RGPD8: variants seen among roughly 807,000 people sequenced by gnomAD.
RGPD8 encodes RANBP2-like and GRIP domain-containing protein 8.
A neutral mutation model predicts 89.1 loss-of-function variants in RGPD8; 15 were observed. The ratio of observed to expected loss-of-function variants is 0.17; its 90% CI spans 0.11 to 0.26. RGPD8 has a LOEUF of 0.26. Ranked by LOEUF, RGPD8 falls within the 10% of genes least tolerant of loss-of-function variation. RGPD8 has a pLI of 1.00. For missense variants in RGPD8, 178 were observed against 1,179.6 expected (o/e 0.15, Z 12.44); for synonymous variants, 62 against 420.9 (o/e 0.15, Z 10.44).
At chr2:112,417,171 A>C in intron 6 of RGPD8, 22 bp downstream of exon 6, 1 of 1,608,400 alleles carries the variant, frequency 6.2e-7, no homozygotes, top group Non-Finnish European at 8.5e-7. Flanking sequence ...ATACTAAAGC[A>C]TTCTCCTCAA....
At chr2:112,424,764 CATCATA>C (rs1679697079) in intron 1 of RGPD8, among the ~76,000 whole-genome samples, 1 of 150,768 alleles carries the variant, frequency 6.6e-6, no homozygotes, top group African/African-American at 2.4e-5. Flanking sequence ...TCATCATCAT[CATCATA>C]AATAAGCTGG....
intron 9 of RGPD8, among the ~76,000 whole-genome samples, chr2:112,402,560 G>A (rs1336410124): frequency 1.1e-4 from 12 of 105,438 alleles, no homozygotes; most frequent in Admixed American, 3.6e-4. Flanking sequence ...AGCATGAAGA[G>A]GTATAATCTT....
At chr2:112,408,963 C>T (rs1475031873) in intron 7 of RGPD8, among the ~76,000 whole-genome samples, 9 of 149,802 alleles carry the variant, frequency 6.0e-5, no homozygotes, top group African/African-American at 1.2e-4. Context: ...TGAGCCACCA[C>T]GCCTGGCTAT....
chr2:112,373,248 A>G (rs1468263052), intron 22 of RGPD8, among the ~76,000 whole-genome samples: 4 of 152,226 alleles, frequency 2.6e-5, no homozygotes, highest in African/African-American at 9.7e-5. Flanking sequence ...AGAGCAATCT[A>G]TACTTACCAC....
chr2:112,414,864 C>CA (rs1195004063), intron 6 of RGPD8, among the ~76,000 whole-genome samples: 1 of 103,920 alleles, frequency 9.6e-6, no homozygotes, highest in Admixed American at 9.8e-5. Context: ...ACTAAAAATA[C>CA]AAAAAATTAG....
intron 1 of RGPD8, among the ~76,000 whole-genome samples, chr2:112,429,881 C>T (rs1432755322): frequency 6.6e-6 from 1 of 152,120 alleles, no homozygotes; most frequent in African/African-American, 2.4e-5. Context: ...AATCTCTGCT[C>T]ACCACAACCT....
rs762456519 is a variant in RGPD8, at chr2:112,390,129, G to C, written c.2816C>G (p.Pro939Arg). The C allele has an allele frequency of 2.5e-6, 4 of 1,603,634 alleles. No individual in the cohort carries two copies. Among genetic ancestry groups the C allele is most frequent in the East Asian group, 4.5e-5 (2 of 44,856 alleles). The change falls in exon 20 of 23, where the codon CCT becomes CGT. Residue 939 changes from proline to arginine, a missense_variant. By Grantham distance (103) the Pro-to-Arg change is moderately radical (BLOSUM62 -2). Coordinates refer to ENST00000302558, the MANE Select transcript of RGPD8 (RefSeq NM_001164463.1). ...PGNQEKKREK[P>R]LENDTGLQAQ... is the part of the protein sequence containing the mutation. ...CTGTAAGCCAGTATCATTTTCAAGA[G>C]GCTTTTCCCTTTTCTTTTCTTGATT...
intron 6 of RGPD8, 135 bp downstream of exon 6, chr2:112,417,058 G>T (rs1373816789): frequency 6.4e-7 from 1 of 1,570,414 alleles, no homozygotes; most frequent in Non-Finnish European, 8.6e-7. Flanking sequence ...GCCTCCTAGC[G>T]GTTCACTGTA....
intron 22 of RGPD8, among the ~76,000 whole-genome samples, chr2:112,374,858 C>T (rs866019381): frequency 4.4e-4 from 46 of 103,402 alleles, no homozygotes; most frequent in African/African-American, 7.1e-4. Context: ...AGTTTACATT[C>T]TTTTTTTTTT....
chr2:112,431,299 G>A (rs1236917360), intron 1 of RGPD8, among the ~76,000 whole-genome samples: 1 of 152,082 alleles, frequency 6.6e-6, no homozygotes, highest in Non-Finnish European at 1.5e-5. Context: ...TTAATTTCAG[G>A]AGTTACAGGA....
At chr2:112,390,543 G>A (rs1678658231) in intron 19 of RGPD8, among the ~76,000 whole-genome samples, 2 of 143,776 alleles carry the variant, frequency 1.4e-5, no homozygotes, top group African/African-American at 2.6e-5. Context: ...CTTGCCTGTG[G>A]TCAAAATAAG....
chr2:112,432,821 T>TG (rs1405965258), intron 1 of RGPD8, among the ~76,000 whole-genome samples: 1 of 151,952 alleles, frequency 6.6e-6, no homozygotes, highest in Non-Finnish European at 1.5e-5. Context: ...CCCGCCGCGG[T>TG]CCCCCCAGGA....
chr2:112,372,926 T>C (rs1450408329), intron 22 of RGPD8, among the ~76,000 whole-genome samples: 2 of 124,308 alleles, frequency 1.6e-5, no homozygotes, highest in Non-Finnish European at 3.2e-5. Flanking sequence ...GCTTTTTTTC[T>C]TTATTTACTT....
chr2:112,411,570 C>CA (rs1190383425), intron 7 of RGPD8, among the ~76,000 whole-genome samples: 186 of 1,590 alleles, frequency 0.12, 60 homozygotes, highest in East Asian at 0.16. Context: ...GACTGCGTCT[C>CA]AAAAAAAAAA....
intron 22 of RGPD8, among the ~76,000 whole-genome samples, chr2:112,376,445 G>C (rs1016508011): frequency 2.5e-5 from 3 of 118,644 alleles, no homozygotes; most frequent in African/African-American, 9.1e-5. Context: ...AACTGCTATA[G>C]CATAAATGAC....
intron 7 of RGPD8, among the ~76,000 whole-genome samples, chr2:112,408,404 T>A (rs1480869544): frequency 9.6e-6 from 1 of 104,228 alleles, no homozygotes; most frequent in Non-Finnish European, 1.9e-5. Flanking sequence ...TTTATGAACC[T>A]AAAAGCTTCT....
intron 6 of RGPD8, among the ~76,000 whole-genome samples, chr2:112,415,860 C>T (rs1349257049): frequency 6.8e-5 from 10 of 146,344 alleles, no homozygotes; most frequent in Non-Finnish European, 1.1e-4. Context: ...GCCAACCTGG[C>T]GAGAGCAAGA....
chr2:112,433,346 G>T, intron 1 of RGPD8, 36 bp downstream of exon 1: 3 of 1,592,634 alleles, frequency 1.9e-6, no homozygotes, highest in South Asian at 1.1e-5. Context: ...CCGCCCGGCC[G>T]GGTCGAGGCC....
chr2:112,427,652 CTCT>C (rs946870799), intron 1 of RGPD8, among the ~76,000 whole-genome samples: 7 of 151,772 alleles, frequency 4.6e-5, no homozygotes, highest in African/African-American at 1.5e-4. Context: ...CTAAATTTCT[CTCT>C]TTTTTTTTTA....
Sources: gnomAD v4.1 joint callset for allele counts (sites outside exome capture counted in the v4.1 genomes callset) on GRCh38, gnomAD v4.1.1 for gene constraint, MANE v1.5 for transcripts, NCBI Gene and HGNC (gene_info 2026-07-23, HGNC 2026-07-21) for gene names.